Variants in SYT1 observed in about 807,000 individuals in gnomAD.
SYT1 encodes synaptotagmin-1.
In SYT1, 8 loss-of-function variants were observed where a neutral mutation model predicts 44.8. The observed-to-expected ratio is 0.18, with a 90% confidence interval of 0.10 to 0.32. The LOEUF (loss-of-function observed/expected upper bound fraction) is 0.32, where lower values mean the gene tolerates loss of function less well. Among genes scored for constraint, SYT1 ranks in the 10% least tolerant of loss-of-function variants. The pLI, the probability that SYT1 is intolerant of heterozygous loss-of-function variation, is 1.00. For synonymous variants in SYT1, 154 were observed against 188.8 expected (o/e 0.82, Z 1.51); for missense variants, 286 against 509.3 (o/e 0.56, Z 4.22).
At chr12:78,940,895 T>G in intron 1 of SYT1, among the ~76,000 whole-genome samples, 1 of 152,084 alleles carries the variant, frequency 6.6e-6, no homozygotes, top group Non-Finnish European at 1.5e-5. Flanking sequence ...TACTTTCTGT[T>G]TCAGAAAGGT....
intron 8 of SYT1, among the ~76,000 whole-genome samples, chr12:79,338,513 T>G (rs921897358): frequency 6.6e-6 from 1 of 151,950 alleles, no homozygotes; most frequent in African/African-American, 2.4e-5. Flanking sequence ...GCTCAAGTGA[T>G]CCTCCCACCC....
At chr12:79,183,630 G>A (rs146741771) in intron 3 of SYT1, among the ~76,000 whole-genome samples, 1 of 152,112 alleles carries the variant, frequency 6.6e-6, no homozygotes, top group Non-Finnish European at 1.5e-5. Context: ...CATACACCAT[G>A]CTGTTCCCAC....
chr12:79,194,136 G>C (rs2138463249), intron 3 of SYT1, among the ~76,000 whole-genome samples: 1 of 151,972 alleles, frequency 6.6e-6, no homozygotes, highest in African/African-American at 2.4e-5. Context: ...TTTGCAAATA[G>C]GCCTACTATA....
chr12:79,098,931 C>G (rs1480156384), intron 3 of SYT1, among the ~76,000 whole-genome samples: 1 of 152,088 alleles, frequency 6.6e-6, no homozygotes, highest in Admixed American at 6.6e-5. Flanking sequence ...GTATGAGTAT[C>G]GACTTTTTAT....
chr12:79,431,310 A>C lies in SYT1; in HGVS notation c.929-12763A>C, dbSNP rs139198399. Among the ~76,000 whole-genome samples, 184 of 152,228 alleles carry C rather than the reference A, an allele frequency of 1.2e-3. 1 individual carries two copies. Among genetic ancestry groups the C allele is most frequent in the African/African-American group, 4.2e-3 (176 of 41,542 alleles). On this transcript the variant is annotated intron_variant, in intron 9 of 10. Transcript: ENST00000261205. ...AGAGACAGAGCAGTGTATGTCAAGAAATTTCTTTTGTCAAGGAAATCAGTG... is the reference window on the plus strand; with the variant it reads ...AGAGACAGAGCAGTGTATGTCAAGACATTTCTTTTGTCAAGGAAATCAGTG...
intron 1 of SYT1, among the ~76,000 whole-genome samples, chr12:78,928,568 C>G (rs571174494): frequency 2.0e-5 from 3 of 152,176 alleles, no homozygotes; most frequent in South Asian, 2.1e-4. Context: ...ACCAACATTA[C>G]TATTGTGCTT....
At chr12:79,365,834 G>GAAAAAAAAAAAAAAAA (rs57702061) in intron 9 of SYT1, among the ~76,000 whole-genome samples, 5 of 104,110 alleles carry the variant, frequency 4.8e-5, no homozygotes, top group Admixed American at 9.9e-5. Context: ...AAGAGTACCA[G>GAAAAAAAAAAAAAAAA]AAAAAAAAAA....
intron 8 of SYT1, among the ~76,000 whole-genome samples, chr12:79,338,769 C>T (rs1882213868): frequency 6.6e-6 from 1 of 151,738 alleles, no homozygotes; most frequent in African/African-American, 2.4e-5. Flanking sequence ...TTGCCGCACC[C>T]ATTAACTCGT....
At chr12:79,093,305 G>A (rs1343884525) in intron 3 of SYT1, among the ~76,000 whole-genome samples, 5 of 151,632 alleles carry the variant, frequency 3.3e-5, no homozygotes, top group African/African-American at 4.8e-5. Flanking sequence ...AAGATCACAG[G>A]TTACTGTTAA....
intron 9 of SYT1, chr12:79,393,643 G>C (rs1354115105): frequency 6.6e-6 from 1 of 152,096 alleles, no homozygotes; most frequent in African/African-American, 2.4e-5. Flanking sequence ...CCCACTTTTT[G>C]ATGGGATTGT....
intron 3 of SYT1, among the ~76,000 whole-genome samples, chr12:79,086,793 C>T (rs959866509): frequency 3.3e-5 from 5 of 152,134 alleles, no homozygotes; most frequent in African/African-American, 1.2e-4. Context: ...GGGTTTTCTC[C>T]CAAGGCTGTT....
chr12:79,416,766 C>T (rs1868766761), intron 9 of SYT1, among the ~76,000 whole-genome samples: 1 of 152,120 alleles, frequency 6.6e-6, no homozygotes, highest in African/African-American at 2.4e-5. Flanking sequence ...AAATGCATTT[C>T]TGCTTTGAAA....
intron 1 of SYT1, among the ~76,000 whole-genome samples, chr12:78,876,877 T>TATATAATATATTATAC (rs1565697852): frequency 1.9e-5 from 1 of 53,504 alleles, no homozygotes; most frequent in Non-Finnish European, 3.1e-5. Context: ...ATATATTATA[T>TATATAATATATTATAC]GTATTATATA....
intron 3 of SYT1, among the ~76,000 whole-genome samples, chr12:79,107,469 T>G (rs1456302443): frequency 6.6e-6 from 1 of 151,968 alleles, no homozygotes; most frequent in East Asian, 1.9e-4. Context: ...AATAATACAT[T>G]AATGTATTGA....
intron 9 of SYT1, among the ~76,000 whole-genome samples, chr12:79,424,325 G>C (rs1869303920): frequency 6.6e-6 from 1 of 152,064 alleles, no homozygotes; most frequent in Non-Finnish European, 1.5e-5. Context: ...AATGAATCAT[G>C]CTCTTTCTCT....
intron 3 of SYT1, among the ~76,000 whole-genome samples, chr12:79,167,265 A>G (rs1871273192): frequency 1.3e-5 from 2 of 152,058 alleles, no homozygotes; most frequent in Admixed American, 6.6e-5. Context: ...GGTATCTACA[A>G]GATATAAAGG....
At chr12:79,145,486 G>T (rs1869822059) in intron 3 of SYT1, among the ~76,000 whole-genome samples, 1 of 151,964 alleles carries the variant, frequency 6.6e-6, no homozygotes, top group South Asian at 2.1e-4. Flanking sequence ...GCAATAATTA[G>T]TAATAGCTAA....
At chr12:79,284,770 C>G (rs1050245272) in intron 4 of SYT1, among the ~76,000 whole-genome samples, 2 of 149,252 alleles carry the variant, frequency 1.3e-5, no homozygotes, top group Non-Finnish European at 3.0e-5. Flanking sequence ...ACCCAGGAGG[C>G]AGAGTTTGCA....
At chr12:79,007,981 G>A (rs1871197811) in intron 2 of SYT1, among the ~76,000 whole-genome samples, 1 of 151,860 alleles carries the variant, frequency 6.6e-6, no homozygotes, top group African/African-American at 2.4e-5. Flanking sequence ...ATGTTAGCCA[G>A]GATCACTGCC....
Sources: allele counts gnomAD v4.1 joint callset (sites outside exome capture counted in the v4.1 genomes callset), GRCh38; gene constraint gnomAD v4.1.1; transcripts MANE v1.5; gene names NCBI Gene and HGNC (gene_info 2026-07-23, HGNC 2026-07-21).